The following FARS2 variants were observed in gnomAD, a reference collection of about 807,000 sequenced individuals.
The protein encoded by FARS2 is phenylalanyl-tRNA synthetase 2, mitochondrial, also known as phenylalanine--tRNA ligase, mitochondrial.
Under a neutral mutation model 46.4 loss-of-function variants are expected in FARS2, and 40 were observed. The ratio of observed to expected loss-of-function variants is 0.86; its 90% CI spans 0.67 to 1.12. FARS2 has a LOEUF of 1.12. Ranked by LOEUF, FARS2 falls within the 50% of genes most tolerant of loss-of-function variation. FARS2 has a pLI of 0.00. For synonymous variants in FARS2, 234 were observed against 214.9 expected, an observed-to-expected ratio of 1.09 and a Z score of -0.78; for missense variants, 513 against 567.9, an observed-to-expected ratio of 0.90 and a Z score of 0.98.
intron 5 of FARS2, among the ~76,000 whole-genome samples, chr6:5,578,869 C>G (rs182249764): frequency 1.3e-5 from 2 of 151,440 alleles, no homozygotes; most frequent in African/African-American, 4.9e-5. Flanking sequence ...GACGTGAGCT[C>G]TAGAGCCAGA....
In FARS2 at chr6:5,699,792, C is replaced by T. The variant is rs149757421; in HGVS notation, c.1218-71499C>T. Reference sequence around the variant, plus strand: ...GTACTGGGTCTCAAATTTGGCAGCACAGTTGAATTATCTGGAAGGCTTCAA... The same window carrying T: ...GTACTGGGTCTCAAATTTGGCAGCATAGTTGAATTATCTGGAAGGCTTCAA... On this transcript the variant is annotated intron_variant, in intron 6 of 6. Coordinates refer to ENST00000274680, the MANE Select transcript of FARS2 (RefSeq NM_006567.5). Among the ~76,000 whole-genome samples the T allele has an allele frequency of 6.6e-4, 100 of 152,270 alleles. 1 individual carries two copies. The highest frequency in any genetic ancestry group is 2.3e-3 in the African/African-American group (95 of 41,542).
intron 6 of FARS2, among the ~76,000 whole-genome samples, chr6:5,730,207 TC>T (rs34695728): frequency 0.17 from 26,418 of 152,214 alleles, 2,451 homozygotes; most frequent in African/African-American, 0.2. Flanking sequence ...CCAATATCCA[TC>T]CTGGGACAGC....
intron 6 of FARS2, among the ~76,000 whole-genome samples, chr6:5,620,231 CAT>C (rs749516770): frequency 3.3e-5 from 5 of 152,156 alleles, no homozygotes; most frequent in Non-Finnish European, 7.3e-5. Context: ...CACGCACACA[CAT>C]GACAACTAAA....
chr6:5,673,899 G>A (rs563514357), intron 6 of FARS2, among the ~76,000 whole-genome samples: 16 of 152,260 alleles, frequency 1.1e-4, no homozygotes, highest in African/African-American at 3.6e-4. Flanking sequence ...CAAACAAGGT[G>A]TTAAATGTGT....
chr6:5,630,630 G>A lies in FARS2; in HGVS notation c.1217+17310G>A, dbSNP rs1047990399. 2.6e-5 allele frequency among the ~76,000 whole-genome samples: 4 copies of A among 152,152 alleles called. No individual in the cohort carries two copies. Among genetic ancestry groups the A allele is most frequent in the African/African-American group, 9.7e-5 (4 of 41,416 alleles). On this transcript the variant is annotated intron_variant, in intron 6 of 6. Coordinates refer to ENST00000274680, the MANE Select transcript of FARS2 (RefSeq NM_006567.5). The surrounding 1 kb of genome is among the most constrained non-coding windows in gnomAD (Gnocchi z 4.2). ...AGTTTCACGTTGCTGTCATTTACCCGTTCTGATTTTCCTTCCTCGTATAGC... is the reference window on the plus strand; with the variant it reads ...AGTTTCACGTTGCTGTCATTTACCCATTCTGATTTTCCTTCCTCGTATAGC...
chr6:5,397,993 A>C (rs983807085), intron 2 of FARS2, among the ~76,000 whole-genome samples: 10 of 152,158 alleles, frequency 6.6e-5, no homozygotes, highest in Non-Finnish European at 1.3e-4. Context: ...CAAAAATGCC[A>C]TGGAGATTTT....
At chr6:5,635,587 CAT>C (rs1291130756) in intron 6 of FARS2, among the ~76,000 whole-genome samples, 1 of 152,064 alleles carries the variant, frequency 6.6e-6, no homozygotes, top group Admixed American at 6.6e-5. Context: ...GCAGGTGACA[CAT>C]GTGCTGGTGG....
intron 4 of FARS2, among the ~76,000 whole-genome samples, chr6:5,528,565 C>T (rs146177256): frequency 6.2e-4 from 95 of 152,324 alleles, no homozygotes; most frequent in African/African-American, 2.2e-3. Context: ...CCTGGGTTCA[C>T]ATCCCAGATC....
chr6:5,258,854 G>T (rs550607190), upstream of FARS2, among the ~76,000 whole-genome samples: 39 of 152,236 alleles, frequency 2.6e-4, no homozygotes, highest in African/African-American at 8.4e-4. Flanking sequence ...TGCCTTTCAG[G>T]TAGAGTCTTG....
chr6:5,444,479 AAAAAAAAAAAAAAAGAG>A, intron 4 of FARS2, among the ~76,000 whole-genome samples: 1 of 90,002 alleles, frequency 1.1e-5, no homozygotes. Flanking sequence ...AAAAAAAAAA[AAAAAAAAAAAAAAAGAG>A]AGAGAGAGAG....
intron 4 of FARS2, among the ~76,000 whole-genome samples, chr6:5,485,280 G>A (rs11759482): frequency 0.33 from 49,851 of 151,914 alleles, 9,860 homozygotes; most frequent in African/African-American, 0.56. Context: ...TTTTAAATAA[G>A]ACATGAGATA....
At chr6:5,590,632 C>T (rs530574593) in intron 5 of FARS2, among the ~76,000 whole-genome samples, 2 of 152,260 alleles carry the variant, frequency 1.3e-5, no homozygotes, top group African/African-American at 2.4e-5. Context: ...CATCTTTTAC[C>T]CCTCAATCCC....
At chr6:5,516,179 A>C (rs1327952992) in intron 4 of FARS2, among the ~76,000 whole-genome samples, 1 of 152,224 alleles carries the variant, frequency 6.6e-6, no homozygotes, top group Non-Finnish European at 1.5e-5. Flanking sequence ...AGAAGCATGG[A>C]ATCGTCACAC....
chr6:5,527,490 T>C (rs1769542654), intron 4 of FARS2, among the ~76,000 whole-genome samples: 1 of 152,234 alleles, frequency 6.6e-6, no homozygotes, highest in Non-Finnish European at 1.5e-5. Context: ...TTGAAGTAAA[T>C]GAAAATATTT....
intron 6 of FARS2, among the ~76,000 whole-genome samples, chr6:5,713,507 G>A (rs182659788): frequency 8.7e-4 from 133 of 152,292 alleles, no homozygotes; most frequent in African/African-American, 3.0e-3. Flanking sequence ...AGACGTTGAC[G>A]CTTAGGAAAA....
intron 6 of FARS2, among the ~76,000 whole-genome samples, chr6:5,733,688 G>A (rs2150940786): frequency 6.6e-6 from 1 of 152,290 alleles, no homozygotes; most frequent in Middle Eastern, 3.4e-3. Flanking sequence ...TGGAGTCCAT[G>A]CTGTACCCAC....
intron 4 of FARS2, among the ~76,000 whole-genome samples, chr6:5,470,524 C>T (rs1318311441): frequency 1.3e-5 from 2 of 152,124 alleles, no homozygotes; most frequent in Admixed American, 1.3e-4. Context: ...ATCATCATTA[C>T]ATAATGGAAA....
At chr6:5,560,929 G>A (rs1025076469) in intron 5 of FARS2, among the ~76,000 whole-genome samples, 2 of 152,118 alleles carry the variant, frequency 1.3e-5, no homozygotes, top group African/African-American at 2.4e-5. Context: ...AGGAGTTTGA[G>A]ACCAGCCTGG....
chr6:5,537,852 TCTC>T (rs1026330083), intron 4 of FARS2, among the ~76,000 whole-genome samples: 1 of 152,162 alleles, frequency 6.6e-6, no homozygotes, highest in Non-Finnish European at 1.5e-5. Context: ...CTATTGCCAT[TCTC>T]CTCCTCCTCC....
Sources: allele counts gnomAD v4.1 joint callset (sites outside exome capture counted in the v4.1 genomes callset), GRCh38; gene constraint gnomAD v4.1.1; non-coding constraint Gnocchi (gnomAD v3.1); transcripts MANE v1.5; gene names NCBI Gene and HGNC (gene_info 2026-07-23, HGNC 2026-07-21).